The following UGT1A10 variants were observed in gnomAD, a reference collection of about 807,000 sequenced individuals.
The protein encoded by UGT1A10 is UDP glucuronosyltransferase family 1 member A10.
Under a neutral mutation model 45.8 loss-of-function variants are expected in UGT1A10, and 49 were observed. That is an observed-to-expected ratio of 1.07 (90% confidence interval 0.85 to 1.36). The LOEUF (loss-of-function observed/expected upper bound fraction) is 1.36. Ranked by LOEUF, UGT1A10 falls within the 40% of genes most tolerant of loss-of-function variation. UGT1A10 has a pLI of 0.00. For missense variants in UGT1A10, 745 were observed against 668.6 expected, an observed-to-expected ratio of 1.11 and a Z score of -1.26; for synonymous variants, 284 against 249.7, an observed-to-expected ratio of 1.14 and a Z score of -1.29.
intron 1 of UGT1A10, among the ~76,000 whole-genome samples, chr2:233,753,936 A>C (rs545743741): frequency 2.6e-5 from 4 of 152,192 alleles, no homozygotes; most frequent in Non-Finnish European, 5.9e-5. Flanking sequence ...ATGGGATTCA[A>C]ATGTATGACC....
intron 1 of UGT1A10, chr2:233,671,897 T>G: frequency 6.4e-7 from 1 of 1,571,108 alleles, no homozygotes; most frequent in Non-Finnish European, 8.6e-7. Flanking sequence ...CATAGGAGCT[T>G]AGATTCCCAG....
intron 1 of UGT1A10, chr2:233,647,804 C>A: frequency 1.3e-6 from 1 of 745,208 alleles, no homozygotes; most frequent in Non-Finnish European, 2.1e-6. Flanking sequence ...AGAGATTTAT[C>A]AAGTTAATTG....
intron 1 of UGT1A10, chr2:233,690,641 C>T (rs1270518819): frequency 1.6e-6 from 2 of 1,287,710 alleles, no homozygotes; most frequent in Non-Finnish European, 2.0e-6. Flanking sequence ...CTGAGGACAC[C>T]TTGACTCCTA....
intron 1 of UGT1A10, among the ~76,000 whole-genome samples, chr2:233,667,506 G>A (rs2074102790): frequency 6.6e-6 from 1 of 152,104 alleles, no homozygotes; most frequent in African/African-American, 2.4e-5. Context: ...CAAAAGCAGT[G>A]GCAACAAAAG....
In UGT1A10 at chr2:233,772,279, T is replaced by G. The variant is rs202172337; in HGVS notation, c.1313T>G (p.Met438Arg). Residue 438 changes from methionine to arginine, a missense_variant, in exon 5 of 5, where the codon ATG (methionine) becomes AGG (arginine). By Grantham distance (91) the Met-to-Arg change is moderately conservative. Transcript: ENST00000344644. ...INDKSYKENI[M>R]RLSSLHKDRP... The stretch of plus-strand genomic sequence containing the variant: ...GTGTTTAGTTACAAGGAGAACATCA[T>G]GCGCCTCTCCAGCCTTCACAAGGAC... 1.9e-6 allele frequency: 3 copies of G among 1,614,146 alleles called. No homozygotes were observed. The African/African-American group carries it at 4.0e-5, about 22-fold the overall frequency.
intron 1 of UGT1A10, among the ~76,000 whole-genome samples, chr2:233,765,129 C>T (rs936294408): frequency 1.3e-5 from 2 of 152,146 alleles, no homozygotes; most frequent in African/African-American, 2.4e-5. Flanking sequence ...CAGGTTTTAG[C>T]ACTGAACATC....
At chr2:233,660,960 TC>T (rs1281059785) in intron 1 of UGT1A10, among the ~76,000 whole-genome samples, 4 of 152,158 alleles carry the variant, frequency 2.6e-5, no homozygotes, top group Admixed American at 2.0e-4. Context: ...CAGCTTTATA[TC>T]CTTCAGTTTT....
At chr2:233,755,185 T>G (rs1695803868) in intron 1 of UGT1A10, 2 of 1,189,530 alleles carry the variant, frequency 1.7e-6, no homozygotes, top group Non-Finnish European at 2.3e-6. Context: ...GGGTGCCACT[T>G]GAGCGCCAGC....
intron 1 of UGT1A10, among the ~76,000 whole-genome samples, chr2:233,694,798 TC>T (rs2075241848): frequency 1.3e-5 from 2 of 152,218 alleles, no homozygotes; most frequent in Non-Finnish European, 2.9e-5. Context: ...CTGAAATGGT[TC>T]CAGGGATTCT....
chr2:233,725,049 T>G (rs1559369971), intron 1 of UGT1A10, among the ~76,000 whole-genome samples: 1 of 147,424 alleles, frequency 6.8e-6, no homozygotes, highest in African/African-American at 2.5e-5. Context: ...CAGTCAGGCG[T>G]GGCGGCGCGC....
intron 4 of UGT1A10, among the ~76,000 whole-genome samples, 194 bp from the exon 5 acceptor site, chr2:233,772,068 G>T (rs906285664): frequency 3.9e-5 from 6 of 152,160 alleles, no homozygotes; most frequent in Non-Finnish European, 8.8e-5. Flanking sequence ...AGCCATGCTT[G>T]TGCCACTACA....
chr2:233,644,075 AC>A (rs1269382700), intron 1 of UGT1A10, among the ~76,000 whole-genome samples: 1 of 151,666 alleles, frequency 6.6e-6, no homozygotes, highest in East Asian at 1.9e-4. Context: ...AGTATGTCAT[AC>A]TCCCCTTTAC....
chr2:233,719,762 C>T, intron 1 of UGT1A10: 1 of 1,612,248 alleles, frequency 6.2e-7, no homozygotes, highest in Non-Finnish European at 8.5e-7. Context: ...CTTACAAGTG[C>T]TTCCATATCT....
chr2:233,761,181 G>T (rs539737168), intron 1 of UGT1A10: 1 of 1,614,126 alleles, frequency 6.2e-7, no homozygotes, highest in Non-Finnish European at 8.5e-7. Flanking sequence ...TTTTACATGC[G>T]TATATTCTTT....
intron 1 of UGT1A10, chr2:233,693,776 G>A: frequency 6.2e-7 from 1 of 1,614,238 alleles, no homozygotes; most frequent in Non-Finnish European, 8.5e-7. Context: ...GTTAAGATAT[G>A]ACTTTGTGCT....
intron 1 of UGT1A10, among the ~76,000 whole-genome samples, chr2:233,732,619 T>A (rs2078290035): frequency 6.6e-6 from 1 of 152,210 alleles, no homozygotes; most frequent in African/African-American, 2.4e-5. Flanking sequence ...TGGTTGTAGA[T>A]GTGTGGTGTT....
At chr2:233,690,639 A>T in intron 1 of UGT1A10, 1 of 1,287,678 alleles carries the variant, frequency 7.8e-7, no homozygotes, top group Non-Finnish European at 1.0e-6. Flanking sequence ...ACCTGAGGAC[A>T]CCTTGACTCC....
At position 233,734,617 on chromosome 2, in the gene UGT1A10, T is replaced by G. The variant is rs143652933; in HGVS notation, c.856-32417T>G. On this transcript the variant is annotated intron_variant, in intron 1 of 4. Coordinates refer to ENST00000344644, the MANE Select transcript of UGT1A10 (RefSeq NM_019075.4). ...TTATTTGTGATGTTAGTGTGTTGATTTTAGATCTTTCCTGCTTTCTCCTGT... is the reference window on the plus strand; with the variant it reads ...TTATTTGTGATGTTAGTGTGTTGATGTTAGATCTTTCCTGCTTTCTCCTGT... 1.1e-4 allele frequency among the ~76,000 whole-genome samples: 16 copies of G among 152,330 alleles called. No individual in the cohort carries two copies. The East Asian group carries it at 1.3e-3, about 13-fold the overall frequency.
At chr2:233,763,882 A>G (rs1279865944) in intron 1 of UGT1A10, among the ~76,000 whole-genome samples, 1 of 152,208 alleles carries the variant, frequency 6.6e-6, no homozygotes, top group Non-Finnish European at 1.5e-5. Flanking sequence ...GGTCTGAGAA[A>G]AATAACTAAA....
Sources: gnomAD v4.1 joint callset for allele counts (sites outside exome capture counted in the v4.1 genomes callset) on GRCh38, gnomAD v4.1.1 for gene constraint, MANE v1.5 for transcripts, NCBI Gene and HGNC (gene_info 2026-07-23, HGNC 2026-07-21) for gene names.